GFOD1: variants seen among roughly 807,000 people sequenced by gnomAD.
GFOD1 encodes Gfo/Idh/MocA-like oxidoreductase domain containing 1, also known as glucose-fructose oxidoreductase domain-containing protein 1.
GFOD1 carries 9 observed loss-of-function variants against 25.4 expected under a neutral mutation model. The ratio of observed to expected loss-of-function variants is 0.35; its 90% confidence interval spans 0.21 to 0.62. The LOEUF is 0.62. GFOD1 is among the 20% of genes least tolerant of loss of function. GFOD1 has a pLI of 0.72. For synonymous variants in GFOD1, 253 were observed against 245.6 expected, an observed-to-expected ratio of 1.03 and a Z score of -0.28; for missense variants, 403 against 556.9, an observed-to-expected ratio of 0.72 and a Z score of 2.78.
chr6:13,371,104 A>T (rs1785142342), intron 1 of GFOD1, among the ~76,000 whole-genome samples: 1 of 152,228 alleles, frequency 6.6e-6, no homozygotes, highest in Non-Finnish European at 1.5e-5. Context: ...CTCTTCTCTA[A>T]GCACGTGGCT....
chr6:13,457,505 A>C (rs1221613967), intron 1 of GFOD1, among the ~76,000 whole-genome samples: 1 of 152,152 alleles, frequency 6.6e-6, no homozygotes, highest in African/African-American at 2.4e-5. Flanking sequence ...ACTTTGAGAG[A>C]CACTGATCCC....
intron 1 of GFOD1, among the ~76,000 whole-genome samples, chr6:13,393,909 G>A (rs1785673123): frequency 6.6e-6 from 1 of 151,574 alleles, no homozygotes; most frequent in South Asian, 2.1e-4. Flanking sequence ...CTCCCGAGGA[G>A]GTGGGACTAC....
chr6:13,376,664 C>T (rs1291196728), intron 1 of GFOD1, among the ~76,000 whole-genome samples: 1 of 152,170 alleles, frequency 6.6e-6, no homozygotes, highest in Non-Finnish European at 1.5e-5. Flanking sequence ...CCATTTCCTA[C>T]CCACCCACCT....
At chr6:13,482,591 T>C (rs1444576617) in intron 1 of GFOD1, among the ~76,000 whole-genome samples, 2 of 151,744 alleles carry the variant, frequency 1.3e-5, no homozygotes, top group Admixed American at 6.6e-5. Context: ...TACTAAAAAA[T>C]ACAAAAATCA....
intron 1 of GFOD1, among the ~76,000 whole-genome samples, chr6:13,374,773 T>C (rs1287081747): frequency 1.4e-5 from 2 of 147,238 alleles, no homozygotes; most frequent in East Asian, 4.2e-4. Context: ...TTCACTCTTG[T>C]CTTTTGTTGC....
rs140298794 is a variant in GFOD1 at position 13,419,016 on chromosome 6, G to T, written c.254-53354C>A. Among the ~76,000 whole-genome samples, 17 of 152,284 alleles carry T rather than the reference G, an allele frequency of 1.1e-4. No homozygotes were observed. The East Asian group carries it at 3.3e-3, about 29-fold the overall frequency. ...TTCCTGGTCAGATCATGGAGTTTGG[G>T]AGCCCCAGCAGGTGGTTCCTGGCTT... On this transcript the variant is annotated intron_variant, in intron 1 of 1. Coordinates refer to ENST00000379287, the MANE Select transcript of GFOD1 (RefSeq NM_018988.4).
At chr6:13,423,882 C>T (rs115187168) in intron 1 of GFOD1, among the ~76,000 whole-genome samples, 3,172 of 152,216 alleles carry the variant, frequency 0.021, 117 homozygotes, top group African/African-American at 0.069. Flanking sequence ...TTTGGAGACA[C>T]GGCTTTGCTC....
At chr6:13,406,665 T>G (rs970570070) in intron 1 of GFOD1, among the ~76,000 whole-genome samples, 1 of 152,168 alleles carries the variant, frequency 6.6e-6, no homozygotes, top group African/African-American at 2.4e-5. Flanking sequence ...ACTTCTAAAT[T>G]CAATTTCCCT....
chr6:13,407,765 T>G (rs965775507), intron 1 of GFOD1: 1 of 165,242 alleles, frequency 6.1e-6, no homozygotes, highest in Admixed American at 6.5e-5. Context: ...GATCAGCTAT[T>G]ACAATAGGCC....
chr6:13,419,665 C>A (rs184423419), intron 1 of GFOD1, among the ~76,000 whole-genome samples: 1 of 152,144 alleles, frequency 6.6e-6, no homozygotes, highest in Admixed American at 6.5e-5. Context: ...CTGCAGCGCC[C>A]GTGCCGCCGC....
intron 1 of GFOD1, chr6:13,470,429 A>G: frequency 6.5e-7 from 1 of 1,550,100 alleles, no homozygotes; most frequent in Non-Finnish European, 8.7e-7. Flanking sequence ...ACGGCTGTGC[A>G]TATTAAGTTA....
chr6:13,474,859 A>G (rs1299048953), intron 1 of GFOD1, among the ~76,000 whole-genome samples: 1 of 152,208 alleles, frequency 6.6e-6, no homozygotes, highest in Non-Finnish European at 1.5e-5. Flanking sequence ...CCAGAGCCCC[A>G]GGCATGAGCA....
chr6:13,407,177 A>G (rs1205785725), intron 1 of GFOD1, among the ~76,000 whole-genome samples: 1 of 152,208 alleles, frequency 6.6e-6, no homozygotes, highest in Non-Finnish European at 1.5e-5. Context: ...CCCAAACACT[A>G]TAGAGCTGCC....
chr6:13,440,196 T>G (rs973055397), intron 1 of GFOD1, among the ~76,000 whole-genome samples: 26 of 152,272 alleles, frequency 1.7e-4, no homozygotes, highest in Admixed American at 4.6e-4. Flanking sequence ...TTCTTTTTTT[T>G]TTGTTTTTTT....
rs1757737188 is a variant in GFOD1, at chr6:13,430,847, A to G, written c.253+55791T>C. 6.6e-6 allele frequency among the ~76,000 whole-genome samples: 1 copy of G among 152,134 alleles called. No homozygotes were observed. The highest frequency in any genetic ancestry group is 2.4e-5 in the African/African-American group (1 of 41,422). Reference sequence around the variant, plus strand: ...CTCTCTTTCTCCAGGACTCCCTCCCATCAGGATACCTACCTGAGGACACTC... The same window carrying G: ...CTCTCTTTCTCCAGGACTCCCTCCCGTCAGGATACCTACCTGAGGACACTC... On this transcript the variant is annotated intron_variant, in intron 1 of 1. Coordinates refer to ENST00000379287, the MANE Select transcript of GFOD1 (RefSeq NM_018988.4). The surrounding 1 kb of genome is among the most constrained non-coding windows in gnomAD (Gnocchi z 4.1).
chr6:13,462,956 C>T (rs1758317030), intron 1 of GFOD1, among the ~76,000 whole-genome samples: 1 of 152,172 alleles, frequency 6.6e-6, no homozygotes, highest in South Asian at 2.1e-4. Flanking sequence ...CAAATGCCAT[C>T]CCAGAGCTCA....
At chr6:13,389,211 A>G (rs1256496327) in intron 1 of GFOD1, among the ~76,000 whole-genome samples, 1 of 152,214 alleles carries the variant, frequency 6.6e-6, no homozygotes, top group Non-Finnish European at 1.5e-5. Flanking sequence ...GTGGCAATTC[A>G]TCAAGGATCT....
chr6:13,400,795 G>A (rs1285092238), intron 1 of GFOD1, among the ~76,000 whole-genome samples: 1 of 152,154 alleles, frequency 6.6e-6, no homozygotes, highest in East Asian at 1.9e-4. Context: ...GAGTAAAGAT[G>A]GTGAGGGAAC....
At chr6:13,462,295 G>A (rs1212498597) in intron 1 of GFOD1, among the ~76,000 whole-genome samples, 6 of 152,160 alleles carry the variant, frequency 3.9e-5, no homozygotes, top group South Asian at 2.1e-4. Context: ...ACCTTGGACC[G>A]CTTCATTCTA....
Sources: gnomAD v4.1 joint callset for allele counts (sites outside exome capture counted in the v4.1 genomes callset) on GRCh38, gnomAD v4.1.1 for gene constraint, Gnocchi (gnomAD v3.1) non-coding constraint, MANE v1.5 for transcripts, NCBI Gene and HGNC (gene_info 2026-07-23, HGNC 2026-07-21) for gene names.